ZNF865: variants seen among roughly 807,000 people sequenced by gnomAD.
ZNF865 encodes zinc finger protein 865.
For synonymous variants in ZNF865, 763 were observed against 750.8 expected (o/e 1.02, Z -0.27); for missense variants, 1,311 against 1,593.4 (o/e 0.82, Z 3.02).
In ZNF865 at chr19:55,614,681, T is replaced by C; in HGVS notation, c.1063T>C (p.Cys355Arg). ...CGATGGCCCGTTCGCCTGCCCACTCTGCTGGAAGGTTTTCAAGAAGCCCAG... is the reference window on the plus strand; with the variant it reads ...CGATGGCCCGTTCGCCTGCCCACTCCGCTGGAAGGTTTTCAAGAAGCCCAG... ...GGDGPFACPL[C>R]WKVFKKPSHL... Residue 355 changes from cysteine to arginine, a missense_variant, in exon 2 of 2, where the codon TGC becomes CGC. Coordinates refer to ENST00000568956, the MANE Select transcript of ZNF865 (RefSeq NM_001195605.2). The surrounding 1 kb of genome is among the most constrained non-coding windows in gnomAD (Gnocchi z 8.0). 1.3e-6 allele frequency: 2 copies of C among 1,563,572 alleles called. No homozygotes were observed. Among genetic ancestry groups the C allele is most frequent in the Non-Finnish European group, 1.7e-6 (2 of 1,163,410 alleles).
In ZNF865 at chr19:55,614,446, C is replaced by A. The variant is rs1314524458; in HGVS notation, c.828C>A (p.Asp276Glu). The change falls in exon 2 of 2, where the codon GAC becomes GAA. Residue 276 changes from aspartate (D) to glutamate (E), a missense_variant. Physicochemically the swap from Asp to Glu is conservative, Grantham distance 45. Coordinates refer to ENST00000568956, the MANE Select transcript of ZNF865 (RefSeq NM_001195605.2). The surrounding 1 kb of genome is among the most constrained non-coding windows in gnomAD (Gnocchi z 8.0). Reference sequence around the variant, plus strand: ...TCCGCCACCGCCGCTGCCACAAGGACGTGCCACCGGCCGCGGGGGGCCCGC... The same window carrying A: ...TCCGCCACCGCCGCTGCCACAAGGAAGTGCCACCGGCCGCGGGGGGCCCGC... ...SLIRHRRCHK[D>E]VPPAAGGPPQ... 5 of 1,436,774 alleles carry A rather than the reference C, an allele frequency of 3.5e-6. No individual in the cohort carries two copies. Among genetic ancestry groups the A allele is most frequent in the South Asian group, 1.3e-5 (1 of 74,364 alleles). 89.0% of individuals were successfully genotyped at this position (1,436,774 alleles called of 1,614,324 possible). A position where few individuals can be genotyped will look rare whatever the true frequency, so the allele number is the denominator to read the frequency against.
At chr19:55,607,889 T>C (rs1980999368) in intron 1 of ZNF865, among the ~76,000 whole-genome samples, 1 of 152,188 alleles carries the variant, frequency 6.6e-6, no homozygotes, top group South Asian at 2.1e-4. Context: ...CATTCACTTC[T>C]TCAAACAAAA....
intron 1 of ZNF865, among the ~76,000 whole-genome samples, chr19:55,612,209 TCCC>T (rs1263509019): frequency 6.6e-6 from 1 of 152,126 alleles, no homozygotes; most frequent in Non-Finnish European, 1.5e-5. Context: ...GTATAGGGGT[TCCC>T]CCATTTTAAA....
Position 55,614,336 on chromosome 19 carries a change from G to T in ZNF865, c.718G>T (p.Val240Phe). 2.0e-6 allele frequency: 3 copies of T among 1,497,398 alleles called. No homozygotes were observed. Among genetic ancestry groups the T allele is most frequent in the Non-Finnish European group, 2.7e-6 (3 of 1,128,356 alleles). 92.8% of individuals were successfully genotyped at this position (1,497,398 alleles called of 1,614,324 possible). The part of the protein sequence containing the change: ...QKSFKQSSHL[V>F]QHMLVHSGER... ...GTCCTTCAAGCAGTCCTCGCACCTGGTCCAGCACATGCTGGTGCACTCGGG... is the reference window on the plus strand; with the variant it reads ...GTCCTTCAAGCAGTCCTCGCACCTGTTCCAGCACATGCTGGTGCACTCGGG... The change falls in exon 2 of 2, where the codon GTC becomes TTC. Residue 240 changes from valine to phenylalanine, a missense_variant. Val to Phe is a conservative substitution (Grantham distance 50, BLOSUM62 -1). Coordinates refer to ENST00000568956, the MANE Select transcript of ZNF865 (RefSeq NM_001195605.2). This position sits in a 1 kb window ranked among gnomAD's most constrained non-coding sequence, Gnocchi z 8.0.
In ZNF865 at chr19:55,615,041, G is replaced by T. The variant is rs1482813723; in HGVS notation, c.1423G>T (p.Asp475Tyr). 2 of 1,280,546 alleles carry T rather than the reference G, an allele frequency of 1.6e-6. No homozygotes were observed. Among genetic ancestry groups the T allele is most frequent in the Non-Finnish European group, 2.0e-6 (2 of 1,014,818 alleles). 79.3% of individuals were successfully genotyped at this position (1,280,546 alleles called of 1,614,324 possible). A position where few individuals can be genotyped will look rare whatever the true frequency, so the allele number is the denominator to read the frequency against. Residue 475 changes from aspartate to tyrosine, a missense_variant, in exon 2 of 2, where the codon GAC becomes TAC. Physicochemically the swap from Asp to Tyr is radical, Grantham distance 160. Transcript: ENST00000568956. ...CGCTGCCGCTGCGGAGGCGCCCAAG[G>T]ACGGGGCGGCCTCGGCCCCGCAGCC... ...PPAAAAEAPK[D>Y]GAASAPQPPP... is the part of the protein sequence containing the mutation.
chr19:55,612,017 G>A (rs902295956), intron 1 of ZNF865, among the ~76,000 whole-genome samples: 4 of 152,006 alleles, frequency 2.6e-5, no homozygotes, highest in Non-Finnish European at 5.9e-5. Context: ...GCAAGGACAT[G>A]GGGGGGTCAG....
Position 55,615,265 on chromosome 19 carries a change from G to C in ZNF865, c.1647G>C (p.Thr549=). 6.6e-7 allele frequency: 1 copy of C among 1,523,064 alleles called. No individual in the cohort carries two copies. Among genetic ancestry groups the C allele is most frequent in the Non-Finnish European group, 8.8e-7 (1 of 1,142,226 alleles). The allele number at this position is 1,523,064 out of a possible 1,614,324, so 94.3% of individuals were successfully genotyped here. A position where few individuals can be genotyped will look rare whatever the true frequency, so the allele number is the denominator to read the frequency against. The change falls in exon 2 of 2, where the codon ACG becomes ACC. Residue 549 remains threonine, a synonymous_variant. Coordinates refer to ENST00000568956, the MANE Select transcript of ZNF865 (RefSeq NM_001195605.2). Reference sequence around the variant, plus strand: ...CGGGCGCCAGCGTCCCAGGAAAGACGTTCTGCTGCGGCATCTGCGGGCGCG... The same window carrying C: ...CGGGCGCCAGCGTCCCAGGAAAGACCTTCTGCTGCGGCATCTGCGGGCGCG... ...GGSGASVPGK[T]FCCGICGRGF...
At position 55,614,044 on chromosome 19, in the gene ZNF865, C is replaced by A; in HGVS notation, c.426C>A (p.Phe142Leu). The change falls in exon 2 of 2, where the codon TTC (phenylalanine) becomes TTA (leucine). Residue 142 changes from phenylalanine to leucine, a missense_variant. Physicochemically the swap from Phe to Leu is conservative, Grantham distance 22. Coordinates refer to ENST00000568956, the MANE Select transcript of ZNF865 (RefSeq NM_001195605.2). This position sits in a 1 kb window ranked among gnomAD's most constrained non-coding sequence, Gnocchi z 8.0. ...CTCCTCCCCTCTTTGACGCTGCTTTCCCCACTCCGCAGTGGGGCATCGTGG... is the reference window on the plus strand; with the variant it reads ...CTCCTCCCCTCTTTGACGCTGCTTTACCCACTCCGCAGTGGGGCATCGTGG... ...APPPPLFDAAFPTPQWGIVDL... is the reference protein window; with the variant it reads ...APPPPLFDAALPTPQWGIVDL... 6.7e-7 allele frequency: 1 copy of A among 1,483,452 alleles called. No individual in the cohort carries two copies. The highest frequency in any genetic ancestry group is 8.9e-7 in the Non-Finnish European group (1 of 1,120,710). 91.9% of individuals were successfully genotyped at this position (1,483,452 alleles called of 1,614,324 possible).
At chr19:55,607,983 C>T (rs1981001938) in intron 1 of ZNF865, among the ~76,000 whole-genome samples, 1 of 152,176 alleles carries the variant, frequency 6.6e-6, no homozygotes, top group South Asian at 2.1e-4. Context: ...GGAAGCCGAT[C>T]ATCTGGATGG....
In ZNF865 at chr19:55,615,779, G is replaced by A; in HGVS notation, c.2161G>A (p.Ala721Thr). The change falls in exon 2 of 2, where the codon GCC becomes ACC. Residue 721 changes from alanine to threonine, a missense_variant. Physicochemically the swap from Ala to Thr is moderately conservative, Grantham distance 58 (BLOSUM62 0). Coordinates refer to ENST00000568956, the MANE Select transcript of ZNF865 (RefSeq NM_001195605.2). ...NLMWHKLVHQ[A>T]APERLLPPAP... is the part of the protein sequence containing the mutation. ...CATGTGGCACAAGCTGGTCCACCAG[G>A]CCGCCCCCGAGCGCCTGCTCCCGCC... The A allele has an allele frequency of 6.6e-7, 1 of 1,524,104 alleles. No homozygotes were observed. Among genetic ancestry groups the A allele is most frequent in the Middle Eastern group, 1.7e-4 (1 of 5,950 alleles). 94.4% of individuals were successfully genotyped at this position (1,524,104 alleles called of 1,614,324 possible). A position where few individuals can be genotyped will look rare whatever the true frequency, so the allele number is the denominator to read the frequency against.
At chr19:55,612,075 G>A (rs1568525205) in intron 1 of ZNF865, among the ~76,000 whole-genome samples, 1 of 152,200 alleles carries the variant, frequency 6.6e-6, no homozygotes, top group Admixed American at 6.5e-5. Context: ...CCCTGCTTCT[G>A]TTGCTAGGCT....
chr19:55,606,828 A>C (rs968148884), intron 1 of ZNF865, among the ~76,000 whole-genome samples: 1 of 152,246 alleles, frequency 6.6e-6, no homozygotes, highest in African/African-American at 2.4e-5. Flanking sequence ...CTAGTTGATC[A>C]GACACGAGTC....
Position 55,614,458 on chromosome 19 carries a change from C to T in ZNF865, c.840C>T (p.Ala280=). The T allele has an allele frequency of 3.5e-6, 5 of 1,419,340 alleles. No individual in the cohort carries two copies. Among genetic ancestry groups the T allele is most frequent in the Non-Finnish European group, 4.6e-6 (5 of 1,086,006 alleles). 87.9% of individuals were successfully genotyped at this position (1,419,340 alleles called of 1,614,324 possible). A position where few individuals can be genotyped will look rare whatever the true frequency, so the allele number is the denominator to read the frequency against. ...GCTGCCACAAGGACGTGCCACCGGC[C>T]GCGGGGGGCCCGCCCCAGCCCGGCC... The part of the protein sequence containing the change: ...HRRCHKDVPP[A]AGGPPQPGPH... Residue 280 remains alanine, a synonymous_variant, in exon 2 of 2, where the codon GCC becomes GCT. Coordinates refer to ENST00000568956, the MANE Select transcript of ZNF865 (RefSeq NM_001195605.2). This position sits in a 1 kb window ranked among gnomAD's most constrained non-coding sequence, Gnocchi z 8.0.
Position 55,616,864 on chromosome 19 carries a change from C to T in ZNF865, c.*66C>T. On this transcript the variant is annotated 3_prime_UTR_variant, in exon 2 of 2. Transcript: ENST00000568956. ...TGGACTCCCACCTCCCAGGACTGAT[C>T]AGACTCTTCCCCCCTCCTCGCTGTT... The T allele has an allele frequency of 7.2e-7, 1 of 1,390,860 alleles. No individual in the cohort carries two copies. The highest frequency in any genetic ancestry group is 2.7e-5 in the East Asian group (1 of 36,882). The allele number at this position is 1,390,860 out of a possible 1,614,324, so 86.2% of individuals were successfully genotyped here. A position where few individuals can be genotyped will look rare whatever the true frequency, so the allele number is the denominator to read the frequency against.
Position 55,616,357 on chromosome 19 carries a change from C to T in ZNF865, c.2739C>T (p.Phe913=), listed in dbSNP as rs1403901500. 6.6e-7 allele frequency: 1 copy of T among 1,521,810 alleles called. No homozygotes were observed. Among genetic ancestry groups the T allele is most frequent in the Middle Eastern group, 1.7e-4 (1 of 5,928 alleles). The allele number at this position is 1,521,810 out of a possible 1,614,324, so 94.3% of individuals were successfully genotyped here. The change falls in exon 2 of 2, where the codon TTC becomes TTT. Residue 913 remains phenylalanine, a synonymous_variant. Transcript: ENST00000568956. Reference sequence around the variant, plus strand: ...AGTGCGGCGTGTGCGCCAAGCGCTTCGCGCAGTCGTCCAGCCTGGCAGAGC... The same window carrying T: ...AGTGCGGCGTGTGCGCCAAGCGCTTTGCGCAGTCGTCCAGCCTGGCAGAGC... ...AFKCGVCAKR[F]AQSSSLAEHR...
intron 1 of ZNF865, among the ~76,000 whole-genome samples, chr19:55,608,383 T>C (rs1351637493): frequency 2.6e-5 from 4 of 151,054 alleles, no homozygotes; most frequent in Admixed American, 6.6e-5. Context: ...GGTGTGATCT[T>C]AGCTCGCTGC....
chr19:55,611,658 G>C lies in ZNF865; in HGVS notation c.-26-1935G>C, dbSNP rs759808264. 6.6e-6 allele frequency among the ~76,000 whole-genome samples: 1 copy of C among 152,194 alleles called. No individual in the cohort carries two copies. Among genetic ancestry groups the C allele is most frequent in the African/African-American group, 2.4e-5 (1 of 41,448 alleles). On this transcript the variant is annotated intron_variant, in intron 1 of 1. Coordinates refer to ENST00000568956, the MANE Select transcript of ZNF865 (RefSeq NM_001195605.2). The surrounding 1 kb of genome is among the most constrained non-coding windows in gnomAD (Gnocchi z 4.5). ...CACTCACCCCTCACCTGTGGGAGGA[G>C]AGAGCAGCCCGATGGATAGAGGATA...
chr19:55,609,858 C>T (rs183751249), intron 1 of ZNF865, among the ~76,000 whole-genome samples: 2 of 152,358 alleles, frequency 1.3e-5, no homozygotes, highest in Admixed American at 1.3e-4. Flanking sequence ...GACATCCCCT[C>T]TTAAAAAGAT....
Position 55,615,942 on chromosome 19 carries a change from G to A in ZNF865, c.2324G>A (p.Gly775Glu), listed in dbSNP as rs926738048. Residue 775 changes from glycine (G) to glutamate (E), a missense_variant, in exon 2 of 2, where the codon GGG (glycine) becomes GAG (glutamate). By Grantham distance (98) the Gly-to-Glu change is moderately conservative (BLOSUM62 -2). Transcript: ENST00000568956. ...GTGTCTGGGGGTGAGGACGCAGGCG[G>A]GGCGGCGGTGGCAGGTGCTGGCGGG... is the stretch of plus-strand genomic sequence containing the variant. ...AGVSGGEDAG[G>E]AAVAGAGGGA... 6.7e-5 allele frequency: 101 copies of A among 1,508,320 alleles called. 1 individual carries two copies. The East Asian group carries it at 2.5e-3, about 38-fold the overall frequency. 93.4% of individuals were successfully genotyped at this position (1,508,320 alleles called of 1,614,324 possible).
Sources: gnomAD v4.1 joint callset for allele counts (sites outside exome capture counted in the v4.1 genomes callset) on GRCh38, gnomAD v4.1.1 for gene constraint, Gnocchi (gnomAD v3.1) non-coding constraint, MANE v1.5 for transcripts, NCBI Gene and HGNC (gene_info 2026-07-23, HGNC 2026-07-21) for gene names.